The following ITGA9 variants were observed in gnomAD, a reference collection of about 807,000 sequenced individuals.
The protein encoded by ITGA9 is integrin subunit alpha 9.
Under a neutral mutation model 127.8 loss-of-function variants are expected in ITGA9, and 56 were observed. The ratio of observed to expected loss-of-function variants is 0.44; its 90% CI spans 0.35 to 0.55. ITGA9 has a LOEUF of 0.55. ITGA9 is among the 20% of genes least tolerant of loss of function. ITGA9 has a pLI of 0.00. For synonymous variants in ITGA9, 508 were observed against 514.5 expected (o/e 0.99, Z 0.17); for missense variants, 1,196 against 1,347.1 (o/e 0.89, Z 1.76).
rs146226153 is a variant in ITGA9, at chr3:37,805,430, C to G, written c.3009+1488C>G. Among the ~76,000 whole-genome samples the G allele has an allele frequency of 5.4e-3, 828 of 152,180 alleles. 8 individuals are homozygous for G. The highest frequency in any genetic ancestry group is 0.019 in the African/African-American group (796 of 41,502). On this transcript the variant is annotated intron_variant, in intron 27 of 27. Transcript: ENST00000264741. ...ACTGTGAACATCTTTCCATATTGTT[C>G]AAAGCACGTTTCCAGCACATCTTAA...
rs1266909392 is a variant in ITGA9, at chr3:37,452,944, G to A, written c.185+385G>A. 6.6e-6 allele frequency among the ~76,000 whole-genome samples: 1 copy of A among 152,208 alleles called. No individual in the cohort carries two copies. The highest frequency in any genetic ancestry group is 1.5e-5 in the Non-Finnish European group (1 of 68,036). ...CCGCCGCTGGCCCAGCGAGCCTCCT[G>A]AACCTCGCAGGGCCTGGAGGAGTCG... On this transcript the variant is annotated intron_variant, in intron 1 of 27. Coordinates refer to ENST00000264741, the MANE Select transcript of ITGA9 (RefSeq NM_002207.3). The surrounding 1 kb of genome is among the most constrained non-coding windows in gnomAD (Gnocchi z 7.3).
At chr3:37,757,293 A>C (rs1028957080) in intron 23 of ITGA9, among the ~76,000 whole-genome samples, 2 of 151,920 alleles carry the variant, frequency 1.3e-5, no homozygotes, top group African/African-American at 4.9e-5. Flanking sequence ...AATAAAGAAG[A>C]GCGATGATGC....
chr3:37,805,335 C>T (rs1225555689), intron 27 of ITGA9, among the ~76,000 whole-genome samples: 2 of 152,172 alleles, frequency 1.3e-5, no homozygotes, highest in African/African-American at 4.8e-5. Context: ...AGGTGTGAAC[C>T]AACGCACCTG....
intron 11 of ITGA9, among the ~76,000 whole-genome samples, chr3:37,522,272 C>T (rs571362097): frequency 1.3e-5 from 2 of 152,218 alleles, no homozygotes; most frequent in South Asian, 2.1e-4. Context: ...GTAGGTCAGA[C>T]CCCAGAAGAT....
intron 8 of ITGA9, among the ~76,000 whole-genome samples, chr3:37,512,120 C>CCTTCCTTCCTTCTTTTCT (rs1698929069): frequency 5.1e-5 from 2 of 39,450 alleles, no homozygotes; most frequent in African/African-American, 2.4e-4. Flanking sequence ...TTCCTTCCTT[C>CCTTCCTTCCTTCTTTTCT]TTTCTTTTCT....
chr3:37,577,585 T>C (rs9848989), intron 15 of ITGA9, among the ~76,000 whole-genome samples: 3,212 of 152,346 alleles, frequency 0.021, 94 homozygotes, highest in African/African-American at 0.071. Flanking sequence ...GATTAAGTTC[T>C]TTCTGGTGGC....
intron 15 of ITGA9, among the ~76,000 whole-genome samples, chr3:37,543,756 A>G (rs887819883): frequency 2.0e-5 from 3 of 152,154 alleles, no homozygotes; most frequent in Non-Finnish European, 4.4e-5. Flanking sequence ...GGCTGTGTAT[A>G]GAGAGATGCC....
At chr3:37,775,082 C>T (rs564791639) in intron 23 of ITGA9, among the ~76,000 whole-genome samples, 1 of 152,186 alleles carries the variant, frequency 6.6e-6, no homozygotes, top group Non-Finnish European at 1.5e-5. Flanking sequence ...ACAGAGTAAA[C>T]AGACAACCTA....
At chr3:37,709,787 A>G (rs1701058132) in intron 18 of ITGA9, among the ~76,000 whole-genome samples, 1 of 152,236 alleles carries the variant, frequency 6.6e-6, no homozygotes, top group Non-Finnish European at 1.5e-5. Context: ...CATTCTTGTG[A>G]GAAGATAGGT....
At chr3:37,684,415 T>G (rs1700762266) in intron 18 of ITGA9, among the ~76,000 whole-genome samples, 1 of 152,220 alleles carries the variant, frequency 6.6e-6, no homozygotes, top group Admixed American at 6.5e-5. Flanking sequence ...TGTTAGTTAT[T>G]ATGTATGATG....
At position 37,597,538 on chromosome 3, in the gene ITGA9, C is replaced by T. The variant is rs190541604; in HGVS notation, c.1690-31649C>T. Among the ~76,000 whole-genome samples, 3 of 152,290 alleles carry T rather than the reference C, an allele frequency of 2.0e-5. No homozygotes were observed. The highest frequency in any genetic ancestry group is 2.0e-4 in the Admixed American group (3 of 15,300). ...CCTCATCTCTATTGTACATAGTAAT[C>T]AGGGTCTAACATAGCTTCCCTTTCC... On this transcript the variant is annotated intron_variant, in intron 15 of 27. Transcript: ENST00000264741. The surrounding 1 kb of genome is among the most constrained non-coding windows in gnomAD (Gnocchi z 4.6).
rs1478795657 is a variant in ITGA9, at chr3:37,494,462, A to G, written c.545-39A>G. ...CCACGCACAGCTGGCATACACTGACATGGCTGTGGTTTGCTTCTCTCTCCT... is the reference window on the plus strand; with the variant it reads ...CCACGCACAGCTGGCATACACTGACGTGGCTGTGGTTTGCTTCTCTCTCCT... On this transcript the variant is annotated intron_variant, in intron 4 of 27. Transcript: ENST00000264741. 4.9e-6 allele frequency: 7 copies of G among 1,439,740 alleles called. No individual in the cohort carries two copies. The Admixed American group carries it at 5.1e-5, about 11-fold the overall frequency. The allele number at this position is 1,439,740 out of a possible 1,614,324, so 89.2% of individuals were successfully genotyped here.
chr3:37,794,485 G>A (rs371898366), intron 26 of ITGA9, among the ~76,000 whole-genome samples: 2 of 152,188 alleles, frequency 1.3e-5, no homozygotes, highest in Non-Finnish European at 2.9e-5. Context: ...GTGGTCAGTT[G>A]GCTTTGGAAC....
intron 15 of ITGA9, among the ~76,000 whole-genome samples, chr3:37,546,120 C>T (rs147307081): frequency 0.013 from 2,021 of 152,244 alleles, 30 homozygotes; most frequent in African/African-American, 0.036. Flanking sequence ...TTGTACCTTT[C>T]TATAAGCAGA....
chr3:37,813,533 C>A (rs954069937), intron 27 of ITGA9, among the ~76,000 whole-genome samples: 4 of 152,192 alleles, frequency 2.6e-5, no homozygotes, highest in Admixed American at 2.6e-4. Context: ...GCTAGGAAGA[C>A]CTGTTCTTTA....
intron 26 of ITGA9, chr3:37,790,995 G>A (rs1163786732): frequency 6.6e-6 from 1 of 152,192 alleles, no homozygotes; most frequent in Non-Finnish European, 1.5e-5. Flanking sequence ...TTATCTCTGA[G>A]AAGGCCTTCA....
chr3:37,635,129 T>A (rs530208595), intron 16 of ITGA9, among the ~76,000 whole-genome samples: 12 of 152,332 alleles, frequency 7.9e-5, no homozygotes, highest in African/African-American at 2.6e-4. Flanking sequence ...AGAATGTTGA[T>A]CCTAGAAATA....
intron 17 of ITGA9, among the ~76,000 whole-genome samples, chr3:37,665,795 T>C (rs902547386): frequency 1.3e-5 from 2 of 152,154 alleles, no homozygotes; most frequent in Admixed American, 6.5e-5. Flanking sequence ...ATGCCTCTCC[T>C]CACATCCCAG....
intron 18 of ITGA9, among the ~76,000 whole-genome samples, chr3:37,729,006 C>T (rs1377316968): frequency 6.6e-6 from 1 of 151,774 alleles, no homozygotes; most frequent in African/African-American, 2.4e-5. Flanking sequence ...CCTTGGGTAC[C>T]CACATCAATC....
Sources: allele counts gnomAD v4.1 joint callset (sites outside exome capture counted in the v4.1 genomes callset), GRCh38; gene constraint gnomAD v4.1.1; non-coding constraint Gnocchi (gnomAD v3.1); transcripts MANE v1.5; gene names NCBI Gene and HGNC (gene_info 2026-07-23, HGNC 2026-07-21).